The following RALGAPA1 variants were observed in gnomAD, a reference collection of about 807,000 sequenced individuals.
RALGAPA1 encodes Ral GTPase activating protein catalytic subunit alpha 1.
RALGAPA1 carries 52 observed loss-of-function variants against 269.6 expected under a neutral mutation model. The ratio of observed to expected loss-of-function variants is 0.19; its 90% CI spans 0.15 to 0.24. The LOEUF is 0.24. RALGAPA1 is among the 10% of genes least tolerant of loss of function. The probability of loss-of-function intolerance (pLI) is 1.00; values close to 1 mark genes in which losing one functional copy is unlikely to be tolerated. For missense variants in RALGAPA1, 1,917 were observed against 3,013.9 expected (o/e 0.64, Z 8.52); for synonymous variants, 817 against 1,008.3 (o/e 0.81, Z 3.60).
At chr14:35,729,817 C>T (rs2070302603) in intron 12 of RALGAPA1, among the ~76,000 whole-genome samples, 1 of 152,108 alleles carries the variant, frequency 6.6e-6, no homozygotes, top group Non-Finnish European at 1.5e-5. Flanking sequence ...GCAGATCAAT[C>T]CTATTTTAAA....
intron 11 of RALGAPA1, among the ~76,000 whole-genome samples, chr14:35,740,569 G>A (rs943866754): frequency 2.0e-5 from 3 of 152,218 alleles, no homozygotes; most frequent in Non-Finnish European, 4.4e-5. Flanking sequence ...CACTTTGGGA[G>A]GCTGAGGTGG....
At chr14:35,653,487 G>T (rs940117223) in intron 30 of RALGAPA1, among the ~76,000 whole-genome samples, 1 of 152,190 alleles carries the variant, frequency 6.6e-6, no homozygotes, top group Non-Finnish European at 1.5e-5. Context: ...CCAGGGGTAT[G>T]TTTAAGTGAT....
intron 1 of RALGAPA1, among the ~76,000 whole-genome samples, chr14:35,795,188 C>T (rs1379206756): frequency 6.6e-6 from 1 of 152,086 alleles, no homozygotes; most frequent in Non-Finnish European, 1.5e-5. Context: ...AGCTTACTGA[C>T]TTAGGAGAGC....
chr14:35,672,756 A>AG (rs1357308731), intron 25 of RALGAPA1, 111 bp downstream of exon 25: 6 of 1,007,998 alleles, frequency 6.0e-6, no homozygotes, highest in Non-Finnish European at 6.8e-6. Context: ...TCACTAAATA[A>AG]GGGGGAGAGT....
At chr14:35,765,168 T>C (rs961717118) in intron 4 of RALGAPA1, among the ~76,000 whole-genome samples, 3 of 152,202 alleles carry the variant, frequency 2.0e-5, no homozygotes, top group Admixed American at 6.5e-5. Context: ...CTGATCTCCA[T>C]GTTCCTTTTC....
chr14:35,762,452 C>T (rs1484906119), intron 5 of RALGAPA1, among the ~76,000 whole-genome samples: 1 of 152,126 alleles, frequency 6.6e-6, no homozygotes, highest in African/African-American at 2.4e-5. Flanking sequence ...GACAGGGTTT[C>T]ACTATGTTGG....
chr14:35,625,793 C>A (rs1380481426), intron 34 of RALGAPA1, among the ~76,000 whole-genome samples: 2 of 152,180 alleles, frequency 1.3e-5, no homozygotes, highest in Non-Finnish European at 2.9e-5. Flanking sequence ...AAAATATTCA[C>A]AGAATCTATA....
chr14:35,569,290 T>C (rs2056971075), intron 39 of RALGAPA1, among the ~76,000 whole-genome samples: 1 of 152,148 alleles, frequency 6.6e-6, no homozygotes, highest in Non-Finnish European at 1.5e-5. Context: ...GTTTATTATA[T>C]AAAAAATAAA....
At chr14:35,776,530 A>G (rs2075040513) in intron 1 of RALGAPA1, among the ~76,000 whole-genome samples, 1 of 152,254 alleles carries the variant, frequency 6.6e-6, no homozygotes, top group African/African-American at 2.4e-5. Context: ...TGTCAGTAAG[A>G]GCAGGGCATG....
At chr14:35,730,548 A>G (rs1169316215) in intron 12 of RALGAPA1, among the ~76,000 whole-genome samples, 1 of 109,346 alleles carries the variant, frequency 9.1e-6, no homozygotes, top group African/African-American at 2.6e-5. Flanking sequence ...TAGGGCGGGC[A>G]TGGTGGGAGA....
Position 35,795,492 on chromosome 14 carries a change from C to T in RALGAPA1, c.106+13238G>A, listed in dbSNP as rs115936914. On this transcript the variant is annotated intron_variant, in intron 1 of 41. Coordinates refer to ENST00000680220, the MANE Select transcript of RALGAPA1 (RefSeq NM_001346249.2). ...ACAGAGCTGGGAAGAGTGCTTGTTCCCAAAAGCTGGACTATAAAAATAAAA... is the reference window on the plus strand; with the variant it reads ...ACAGAGCTGGGAAGAGTGCTTGTTCTCAAAAGCTGGACTATAAAAATAAAA... 6.1e-3 allele frequency among the ~76,000 whole-genome samples: 933 copies of T among 152,160 alleles called. 12 individuals are homozygous for T. Among genetic ancestry groups the T allele is most frequent in the African/African-American group, 0.022 (898 of 41,508 alleles).
intron 21 of RALGAPA1, among the ~76,000 whole-genome samples, chr14:35,682,712 A>C (rs768113938): frequency 6.6e-6 from 1 of 152,170 alleles, no homozygotes; most frequent in Non-Finnish European, 1.5e-5. Context: ...TTTCATTTAC[A>C]TTTAAAAACA....
intron 1 of RALGAPA1, among the ~76,000 whole-genome samples, chr14:35,787,456 T>C (rs1194788545): frequency 6.6e-6 from 1 of 152,214 alleles, no homozygotes; most frequent in Non-Finnish European, 1.5e-5. Flanking sequence ...ACACCTCTTA[T>C]CCTAGTTATT....
chr14:35,750,880 C>T (rs765503199), intron 8 of RALGAPA1, among the ~76,000 whole-genome samples, 190 bp from the exon 9 acceptor site: 1 of 152,024 alleles, frequency 6.6e-6, no homozygotes, highest in Non-Finnish European at 1.5e-5. Flanking sequence ...ACCATATATA[C>T]CAGGATGATA....
intron 28 of RALGAPA1, 59 bp from the exon 29 acceptor site, chr14:35,655,974 C>G: frequency 1.9e-6 from 3 of 1,608,042 alleles, no homozygotes; most frequent in South Asian, 1.1e-5. Flanking sequence ...ACAAACATGA[C>G]CCACAATCAA....
chr14:35,780,621 G>A (rs1247463890), intron 1 of RALGAPA1, among the ~76,000 whole-genome samples: 1 of 152,062 alleles, frequency 6.6e-6, no homozygotes, highest in African/African-American at 2.4e-5. Flanking sequence ...ATAACCAATT[G>A]GTCAAAGAAA....
chr14:35,759,676 G>A (rs902171086), intron 6 of RALGAPA1, among the ~76,000 whole-genome samples: 10 of 151,592 alleles, frequency 6.6e-5, no homozygotes, highest in South Asian at 2.1e-4. Flanking sequence ...TTGGGAGTCC[G>A]AGGCGGACCA....
chr14:35,598,693 T>C (rs1366459056), intron 36 of RALGAPA1, among the ~76,000 whole-genome samples: 2 of 152,190 alleles, frequency 1.3e-5, no homozygotes, highest in East Asian at 3.8e-4. Flanking sequence ...GTGTTGGGAT[T>C]ACAAGCATGA....
chr14:35,649,096 T>C lies in RALGAPA1; in HGVS notation c.5676+2709A>G, dbSNP rs1270944128. Among the ~76,000 whole-genome samples, 5 of 152,190 alleles carry C rather than the reference T, an allele frequency of 3.3e-5. No homozygotes were observed. The East Asian group carries it at 9.6e-4, about 29-fold the overall frequency. Reference sequence around the variant, plus strand: ...AATAATTTTATTTCCAGCATCAAATTTTCTAATCAGGTATATAATTGCCTT... The same window carrying C: ...AATAATTTTATTTCCAGCATCAAATCTTCTAATCAGGTATATAATTGCCTT... On this transcript the variant is annotated intron_variant, in intron 31 of 41. Transcript: ENST00000680220.
Sources: gnomAD v4.1 joint callset for allele counts (sites outside exome capture counted in the v4.1 genomes callset) on GRCh38, gnomAD v4.1.1 for gene constraint, MANE v1.5 for transcripts, NCBI Gene and HGNC (gene_info 2026-07-23, HGNC 2026-07-21) for gene names.